The following DTNBP1 variants were observed in gnomAD, a reference collection of about 807,000 sequenced individuals.
DTNBP1 encodes the protein dystrobrevin binding protein 1.
Under a neutral mutation model 42.8 loss-of-function variants are expected in DTNBP1, and 35 were observed. The ratio of observed to expected loss-of-function variants is 0.82; its 90% CI spans 0.63 to 1.09. The LOEUF (loss-of-function observed/expected upper bound fraction) is 1.09, where lower values mean the gene tolerates loss of function less well. Among genes scored for constraint, DTNBP1 ranks in the 50% least tolerant of loss-of-function variants. DTNBP1 has a pLI of 0.00. For missense variants in DTNBP1, 457 were observed against 424.2 expected, an observed-to-expected ratio of 1.08 and a Z score of -0.68; for synonymous variants, 171 against 162.2, an observed-to-expected ratio of 1.05 and a Z score of -0.41.
chr6:15,624,825 A>C (rs1202881983), intron 5 of DTNBP1, among the ~76,000 whole-genome samples: 1 of 152,096 alleles, frequency 6.6e-6, no homozygotes, highest in Non-Finnish European at 1.5e-5. Context: ...AAAAAAAAAA[A>C]CCCAGTAAAT....
intron 1 of DTNBP1, chr6:15,660,339 T>C (rs888136881): frequency 1.6e-6 from 2 of 1,289,206 alleles, no homozygotes; most frequent in South Asian, 1.2e-5. Context: ...AAGCTGAATA[T>C]GGAAAAGTTT....
chr6:15,608,848 A>T (rs979284011), intron 6 of DTNBP1, among the ~76,000 whole-genome samples: 5 of 152,078 alleles, frequency 3.3e-5, no homozygotes, highest in African/African-American at 1.2e-4. Context: ...GGCTTTTATG[A>T]TCTTTATTCC....
rs1761742553 is a variant in DTNBP1, at chr6:15,662,965, GCGCCCCGCACTCCCACTACCGGCCC to G, written c.-121_-97del. On this transcript the variant is annotated 5_prime_UTR_variant, in exon 1 of 10. Transcript: ENST00000344537. Reference sequence around the variant, plus strand: ...GCCGCCAACCCCGCGCTGTCACCGCGCGCCCCGCACTCCCACTACCGGCCCCGCCCCCGGTCTGGTCCTCGCCGCC... The same window carrying G: ...GCCGCCAACCCCGCGCTGTCACCGCGCGCCCCCGGTCTGGTCCTCGCCGCC... 3 of 1,553,494 alleles carry G rather than the reference GCGCCCCGCACTCCCACTACCGGCCC, an allele frequency of 1.9e-6. No individual in the cohort carries two copies. Among genetic ancestry groups the G allele is most frequent in the African/African-American group, 1.4e-5 (1 of 73,486 alleles).
intron 4 of DTNBP1, among the ~76,000 whole-genome samples, chr6:15,628,654 A>G (rs1416979315): frequency 1.3e-5 from 2 of 151,958 alleles, no homozygotes; most frequent in Non-Finnish European, 2.9e-5. Context: ...CAATCCACCC[A>G]TCTTGGCCTC....
intron 8 of DTNBP1, among the ~76,000 whole-genome samples, chr6:15,526,564 C>G (rs1772414030): frequency 6.6e-6 from 1 of 152,178 alleles, no homozygotes; most frequent in South Asian, 2.1e-4. Context: ...CCAACTGAGC[C>G]AGCCTGCTCT....
chr6:15,643,447 C>A (rs1216462305), intron 3 of DTNBP1, among the ~76,000 whole-genome samples: 1 of 152,020 alleles, frequency 6.6e-6, no homozygotes, highest in Non-Finnish European at 1.5e-5. Context: ...TTCAGAGACT[C>A]CTGAGAGATA....
At position 15,662,525 on chromosome 6, in the gene DTNBP1, G is replaced by A. The variant is rs1326936794; in HGVS notation, c.56+289C>T. Among the ~76,000 whole-genome samples the A allele has an allele frequency of 2.6e-5, 4 of 152,232 alleles. No homozygotes were observed. The East Asian group carries it at 7.7e-4, about 29-fold the overall frequency. On this transcript the variant is annotated intron_variant, in intron 1 of 9. Coordinates refer to ENST00000344537, the MANE Select transcript of DTNBP1 (RefSeq NM_032122.5). ...TCCAGGGCCCAGCTGATGCTGCCGG[G>A]AAAGGACCGCAGGGTCCCACACCCC...
intron 7 of DTNBP1, among the ~76,000 whole-genome samples, chr6:15,562,754 T>C (rs1381630002): frequency 3.9e-5 from 6 of 152,192 alleles, no homozygotes; most frequent in Non-Finnish European, 1.5e-5. Context: ...TCTCTGACCA[T>C]GCAGTATTAA....
intron 7 of DTNBP1, among the ~76,000 whole-genome samples, chr6:15,567,543 T>C (rs1263269870): frequency 6.6e-6 from 1 of 152,206 alleles, no homozygotes; most frequent in Non-Finnish European, 1.5e-5. Context: ...CTCCTTTAGA[T>C]GATAACTCCT....
At chr6:15,582,614 T>C (rs1351817400) in intron 7 of DTNBP1, among the ~76,000 whole-genome samples, 2 of 152,200 alleles carry the variant, frequency 1.3e-5, no homozygotes, top group African/African-American at 2.4e-5. Context: ...TTTGATCACA[T>C]CATTGCAATT....
chr6:15,660,343 A>G (rs1761532598), intron 1 of DTNBP1: 2 of 1,289,578 alleles, frequency 1.6e-6, no homozygotes, highest in Non-Finnish European at 2.0e-6. Context: ...TGAATATGGA[A>G]AAGTTTAACC....
intron 7 of DTNBP1, among the ~76,000 whole-genome samples, chr6:15,536,672 G>A (rs1205286256): frequency 6.6e-6 from 1 of 152,244 alleles, no homozygotes; most frequent in Non-Finnish European, 1.5e-5. Context: ...AGTGCAAATG[G>A]TAAATGTGGG....
chr6:15,554,068 C>T (rs1254669259), intron 7 of DTNBP1, among the ~76,000 whole-genome samples: 1 of 152,096 alleles, frequency 6.6e-6, no homozygotes, highest in African/African-American at 2.4e-5. Flanking sequence ...GCTAAGTTCC[C>T]CCCAGTTGAC....
At chr6:15,550,513 T>A (rs2113411054) in intron 7 of DTNBP1, among the ~76,000 whole-genome samples, 1 of 152,356 alleles carries the variant, frequency 6.6e-6, no homozygotes, top group East Asian at 1.9e-4. Context: ...ATAAATATCC[T>A]CATGCCACCA....
chr6:15,524,110 C>G (rs991428813), intron 9 of DTNBP1: 10 of 1,346,428 alleles, frequency 7.4e-6, no homozygotes, highest in South Asian at 6.1e-5. Flanking sequence ...CACACCATGG[C>G]TTTGCCCATG....
chr6:15,582,316 C>A (rs766640898), intron 7 of DTNBP1, among the ~76,000 whole-genome samples: 1 of 152,136 alleles, frequency 6.6e-6, no homozygotes, highest in Non-Finnish European at 1.5e-5. Flanking sequence ...TAAATCCCTG[C>A]TGAAATGCTT....
chr6:15,616,639 G>A (rs576474125), intron 5 of DTNBP1, among the ~76,000 whole-genome samples: 29 of 152,268 alleles, frequency 1.9e-4, no homozygotes, highest in African/African-American at 5.8e-4. Flanking sequence ...CTTCATTTAC[G>A]TACTAGCTTT....
chr6:15,652,403 T>C (rs750061824), intron 1 of DTNBP1, among the ~76,000 whole-genome samples: 2 of 151,904 alleles, frequency 1.3e-5, no homozygotes, highest in Non-Finnish European at 2.9e-5. Context: ...GCTGGTCTCA[T>C]ACCCCATGCC....
intron 4 of DTNBP1, among the ~76,000 whole-genome samples, chr6:15,632,412 C>G (rs1388445726): frequency 2.0e-5 from 3 of 152,136 alleles, no homozygotes; most frequent in Non-Finnish European, 2.9e-5. Flanking sequence ...TGAACAAGGT[C>G]TTCAACTATT....
Sources: allele counts gnomAD v4.1 joint callset (sites outside exome capture counted in the v4.1 genomes callset), GRCh38; gene constraint gnomAD v4.1.1; transcripts MANE v1.5; gene names NCBI Gene and HGNC (gene_info 2026-07-23, HGNC 2026-07-21).